SQOR: variants seen among roughly 807,000 people sequenced by gnomAD.
SQOR encodes sulfide quinone oxidoreductase.
In SQOR, 39 loss-of-function variants were observed where a neutral mutation model predicts 48.6. That is an observed-to-expected ratio of 0.80 (90% CI 0.62 to 1.05). SQOR has a LOEUF of 1.05. SQOR is among the 50% of genes least tolerant of loss of function. SQOR has a pLI of 0.00. For synonymous variants in SQOR, 220 were observed against 206.2 expected, an observed-to-expected ratio of 1.07 and a Z score of -0.57; for missense variants, 561 against 559.9, an observed-to-expected ratio of 1.00 and a Z score of -0.02.
chr15:45,675,016 G>A (rs1890011844), intron 5 of SQOR, among the ~76,000 whole-genome samples: 1 of 152,158 alleles, frequency 6.6e-6, no homozygotes, highest in South Asian at 2.1e-4. Context: ...GTGAGGTAGG[G>A]AATTAAAGGC....
At chr15:45,660,069 G>T (rs529955265) in intron 2 of SQOR, among the ~76,000 whole-genome samples, 20 of 152,220 alleles carry the variant, frequency 1.3e-4, no homozygotes, top group Admixed American at 1.2e-3. Flanking sequence ...TGAGTAAGGC[G>T]CTGTCTCACA....
intron 1 of SQOR, 108 bp from the exon 2 acceptor site, chr15:45,658,799 C>T (rs1250883163): frequency 1.2e-6 from 1 of 861,418 alleles, no homozygotes; most frequent in Non-Finnish European, 1.7e-6. Context: ...TGATGGGGAC[C>T]AGCTGGAGCG....
chr15:45,643,147 T>C (rs974625584), intron 1 of SQOR, among the ~76,000 whole-genome samples: 1 of 152,208 alleles, frequency 6.6e-6, no homozygotes, highest in Non-Finnish European at 1.5e-5. Context: ...TTGCTGTCTC[T>C]CAGCTTGCAT....
chr15:45,680,563 G>C (rs1294026332), intron 6 of SQOR, among the ~76,000 whole-genome samples: 2 of 151,802 alleles, frequency 1.3e-5, no homozygotes, highest in African/African-American at 4.8e-5. Flanking sequence ...CAACAGGCAT[G>C]TGCTACTATG....
chr15:45,653,259 G>A (rs1889529265), intron 1 of SQOR, among the ~76,000 whole-genome samples: 1 of 152,190 alleles, frequency 6.6e-6, no homozygotes. Context: ...CAGCCAGGCA[G>A]GGCATCTGCT....
chr15:45,686,672 C>T (rs1038827737), intron 7 of SQOR, among the ~76,000 whole-genome samples: 2 of 152,200 alleles, frequency 1.3e-5, no homozygotes, highest in African/African-American at 4.8e-5. Flanking sequence ...ATTTTTCTTA[C>T]AGAAAAAGTT....
intron 1 of SQOR, among the ~76,000 whole-genome samples, chr15:45,647,074 C>G (rs1427326255): frequency 6.6e-6 from 1 of 152,072 alleles, no homozygotes; most frequent in Non-Finnish European, 1.5e-5. Context: ...CATGGTGAAA[C>G]TCAGTCTCTA....
chr15:45,672,978 G>A (rs1889970846), intron 4 of SQOR, among the ~76,000 whole-genome samples: 1 of 152,176 alleles, frequency 6.6e-6, no homozygotes, highest in African/African-American at 2.4e-5. Flanking sequence ...GTCTAGGGTG[G>A]GGCCTGATAA....
chr15:45,661,289 T>TAGAAAAAAAA (rs777334925), intron 2 of SQOR, among the ~76,000 whole-genome samples: 3 of 84,378 alleles, frequency 3.6e-5, no homozygotes, highest in African/African-American at 1.4e-4. Context: ...AGACTCTGTC[T>TAGAAAAAAAA]TAAAAAAAAA....
intron 1 of SQOR, among the ~76,000 whole-genome samples, chr15:45,645,390 G>T (rs1895186169): frequency 1.3e-5 from 2 of 152,148 alleles, no homozygotes; most frequent in African/African-American, 4.8e-5. Context: ...GGACTATGGG[G>T]TGCCTAGAAA....
At chr15:45,685,989 G>A (rs1261648120) in intron 7 of SQOR, among the ~76,000 whole-genome samples, 2 of 114,584 alleles carry the variant, frequency 1.7e-5, no homozygotes, top group Non-Finnish European at 3.3e-5. Context: ...AGCTGGAACT[G>A]TAGGCATGTG....
At chr15:45,690,933 C>G (rs991625687) in intron 9 of SQOR, 40 bp from the exon 10 acceptor site, 1 of 1,596,538 alleles carries the variant, frequency 6.3e-7, no homozygotes, top group Admixed American at 1.7e-5. Context: ...CGCCCCATCT[C>G]TCTTGCTGCA....
intron 1 of SQOR, among the ~76,000 whole-genome samples, chr15:45,651,856 TCTTCTC>T (rs1889497632): frequency 6.6e-6 from 1 of 152,214 alleles, no homozygotes; most frequent in Non-Finnish European, 1.5e-5. Context: ...TTCTTCTTCT[TCTTCTC>T]CTTCTCCTCC....
intron 2 of SQOR, among the ~76,000 whole-genome samples, chr15:45,659,392 T>G (rs1889680717): frequency 6.6e-6 from 1 of 152,122 alleles, no homozygotes; most frequent in South Asian, 2.1e-4. Context: ...TCTGTATTAG[T>G]TTCTTAGGGC....
upstream of SQOR, chr15:45,631,817 T>C (rs353099): frequency 0.3 from 45,321 of 152,132 alleles, 7,758 homozygotes; most frequent in African/African-American, 0.47. Flanking sequence ...CTATCACTTC[T>C]TCTTCCCATC....
intron 9 of SQOR, 90 bp from the exon 10 acceptor site, chr15:45,690,883 A>AG: frequency 9.1e-7 from 1 of 1,102,604 alleles, no homozygotes; most frequent in Non-Finnish European, 1.4e-6. Context: ...ATGCTCTGTG[A>AG]GCAGCCTGGC....
At chr15:45,636,493 T>G (rs1895009346) in intron 1 of SQOR, among the ~76,000 whole-genome samples, 1 of 151,364 alleles carries the variant, frequency 6.6e-6, no homozygotes, top group Admixed American at 6.6e-5. Flanking sequence ...AACCTCCGCC[T>G]GCTGGGTTCA....
At chr15:45,668,537 G>A (rs1380599800) in intron 3 of SQOR, among the ~76,000 whole-genome samples, 1 of 152,186 alleles carries the variant, frequency 6.6e-6, no homozygotes, top group Non-Finnish European at 1.5e-5. Flanking sequence ...CAGTGGTGAG[G>A]GTGATCGTGT....
intron 7 of SQOR, among the ~76,000 whole-genome samples, chr15:45,683,988 T>A (rs1375542920): frequency 6.6e-6 from 1 of 152,120 alleles, no homozygotes; most frequent in Non-Finnish European, 1.5e-5. Flanking sequence ...CTCAGCTCAC[T>A]GCAACCTCTG....
Sources: allele counts gnomAD v4.1 joint callset (sites outside exome capture counted in the v4.1 genomes callset), GRCh38; gene constraint gnomAD v4.1.1; transcripts MANE v1.5; gene names NCBI Gene and HGNC (gene_info 2026-07-23, HGNC 2026-07-21).